The following SNRK variants were observed in gnomAD, a reference collection of about 807,000 sequenced individuals.
The protein encoded by SNRK is SNF related kinase, also known as SNF-related serine/threonine-protein kinase.
SNRK carries 3 observed loss-of-function variants against 48.2 expected under a neutral mutation model. The observed-to-expected ratio is 0.06, with a 90% CI of 0.03 to 0.16. SNRK has a LOEUF of 0.16. Ranked by LOEUF, SNRK falls within the 10% of genes least tolerant of loss-of-function variation. The probability of loss-of-function intolerance (pLI) is 1.00; values close to 1 mark genes in which losing one functional copy is unlikely to be tolerated. For synonymous variants in SNRK, 376 were observed against 366.1 expected (o/e 1.03, Z -0.31); for missense variants, 627 against 976.0 (o/e 0.64, Z 4.76).
intron 4 of SNRK, among the ~76,000 whole-genome samples, chr3:43,339,818 A>AATATATATATATATATATAT (rs71083066): frequency 7.5e-5 from 5 of 66,722 alleles, no homozygotes; most frequent in Admixed American, 1.8e-4. Context: ...CCATTTCCAA[A>AATATATATATATATATATAT]ATATATATAT....
intron 1 of SNRK, among the ~76,000 whole-genome samples, chr3:43,296,529 T>C (rs541659288): frequency 8.6e-5 from 13 of 151,772 alleles, no homozygotes; most frequent in East Asian, 7.7e-4. Flanking sequence ...ATGTTTATTA[T>C]AGATAAGCTA....
At chr3:43,321,631 A>T (rs566715498) in intron 3 of SNRK, among the ~76,000 whole-genome samples, 1 of 152,226 alleles carries the variant, frequency 6.6e-6, no homozygotes, top group Non-Finnish European at 1.5e-5. Context: ...GGGACCTCCT[A>T]AAGTCAAGTG....
intron 4 of SNRK, among the ~76,000 whole-genome samples, chr3:43,336,716 T>G (rs1159037793): frequency 6.6e-6 from 1 of 151,088 alleles, no homozygotes; most frequent in Non-Finnish European, 1.5e-5. Context: ...TTTTTCTACC[T>G]GTTTTAACAC....
intron 1 of SNRK, among the ~76,000 whole-genome samples, chr3:43,292,827 G>A (rs2090823249): frequency 6.6e-6 from 1 of 152,108 alleles, no homozygotes. Context: ...GCTCACTTGT[G>A]TAATTATTTC....
intron 1 of SNRK, among the ~76,000 whole-genome samples, chr3:43,290,095 C>T (rs1015264711): frequency 6.6e-6 from 1 of 152,158 alleles, no homozygotes; most frequent in African/African-American, 2.4e-5. Context: ...CACTGGGCCT[C>T]AATTTCTTAA....
At position 43,335,638 on chromosome 3, in the gene SNRK, T is replaced by G. The variant is rs2091181983; in HGVS notation, c.731+3328T>G. ...ATCCTGTATGAGTTTTTCTTTCTCC[T>G]ACTGGATCTATCAGTTACTGAGGTA... On this transcript the variant is annotated intron_variant, in intron 4 of 6. Transcript: ENST00000296088. Among the ~76,000 whole-genome samples the G allele has an allele frequency of 2.0e-5, 3 of 152,228 alleles. No individual in the cohort carries two copies. In the South Asian group the frequency reaches 6.2e-4, roughly 31 times the overall value.
intron 3 of SNRK, among the ~76,000 whole-genome samples, chr3:43,322,661 T>C (rs1056081726): frequency 6.6e-6 from 1 of 152,152 alleles, no homozygotes; most frequent in Non-Finnish European, 1.5e-5. Flanking sequence ...TGATAAAGAC[T>C]GTATTGGTAG....
chr3:43,312,311 C>T (rs2090984392), intron 3 of SNRK, among the ~76,000 whole-genome samples: 1 of 152,206 alleles, frequency 6.6e-6, no homozygotes, highest in Non-Finnish European at 1.5e-5. Flanking sequence ...ACACTCTCTA[C>T]AACATTTCTC....
chr3:43,299,370 GT>G (rs1428072123), intron 1 of SNRK, among the ~76,000 whole-genome samples: 1 of 152,110 alleles, frequency 6.6e-6, no homozygotes, highest in East Asian at 1.9e-4. Flanking sequence ...TAGAGACGGG[GT>G]TTCACCATAT....
intron 3 of SNRK, among the ~76,000 whole-genome samples, chr3:43,315,753 C>A (rs1312878928): frequency 6.6e-6 from 1 of 152,190 alleles, no homozygotes; most frequent in South Asian, 2.1e-4. Context: ...GCCTGGGGCC[C>A]AGGCATAGTC....
chr3:43,302,030 A>G (rs887185072), intron 2 of SNRK, among the ~76,000 whole-genome samples: 2 of 152,212 alleles, frequency 1.3e-5, no homozygotes, highest in African/African-American at 4.8e-5. Context: ...GGTTCTTAAA[A>G]ACCAAATGAT....
intron 4 of SNRK, among the ~76,000 whole-genome samples, chr3:43,337,795 A>T (rs1483138169): frequency 6.6e-6 from 1 of 152,146 alleles, no homozygotes; most frequent in Non-Finnish European, 1.5e-5. Flanking sequence ...ACACTTATAG[A>T]ACCATCACTA....
In SNRK at chr3:43,349,641, G is replaced by A. The variant is rs1009696857; in HGVS notation, c.*1084G>A. Reference sequence around the variant, plus strand: ...CATACAGCAAACAAAAATGCACAAAGCCTGCTTCGTAACTTTTTTTTCTGG... The same window carrying A: ...CATACAGCAAACAAAAATGCACAAAACCTGCTTCGTAACTTTTTTTTCTGG... On this transcript the variant is annotated 3_prime_UTR_variant, in exon 7 of 7. Transcript: ENST00000296088. 3.3e-5 allele frequency: 5 copies of A among 152,138 alleles called. No individual in the cohort carries two copies. In the East Asian group the frequency reaches 7.7e-4, roughly 23 times the overall value. The allele number at this position is 152,138 out of a possible 1,614,324, so 9.4% of individuals were successfully genotyped here.
intron 4 of SNRK, among the ~76,000 whole-genome samples, chr3:43,338,329 C>T (rs1029785533): frequency 6.6e-6 from 1 of 152,196 alleles, no homozygotes; most frequent in African/African-American, 2.4e-5. Context: ...TATTTATGCT[C>T]CTAAAAGATG....
intron 1 of SNRK, among the ~76,000 whole-genome samples, chr3:43,294,965 A>C (rs1408162404): frequency 6.6e-6 from 1 of 152,150 alleles, no homozygotes; most frequent in African/African-American, 2.4e-5. Flanking sequence ...ATTTCTATAC[A>C]CCCAGCTTTT....
intron 3 of SNRK, among the ~76,000 whole-genome samples, chr3:43,331,830 G>C (rs909151498): frequency 1.3e-5 from 2 of 152,030 alleles, no homozygotes; most frequent in African/African-American, 4.8e-5. Context: ...TTTATTTCTG[G>C]TATATATTCT....
At chr3:43,344,416 A>C (rs1046291453) in intron 6 of SNRK, among the ~76,000 whole-genome samples, 1 of 152,208 alleles carries the variant, frequency 6.6e-6, no homozygotes, top group African/African-American at 2.4e-5. Context: ...TGTACCTCCA[A>C]GTATTTATGA....
intron 3 of SNRK, among the ~76,000 whole-genome samples, chr3:43,309,029 A>G (rs1337250971): frequency 1.3e-5 from 2 of 152,214 alleles, no homozygotes; most frequent in African/African-American, 4.8e-5. Context: ...AAATAACTGC[A>G]TATGTGGTGG....
chr3:43,306,053 A>G (rs1366767506), intron 3 of SNRK, among the ~76,000 whole-genome samples: 1 of 152,172 alleles, frequency 6.6e-6, no homozygotes, highest in Non-Finnish European at 1.5e-5. Context: ...TTAAAAAGCT[A>G]TTAAAAAAGG....
Sources: allele counts gnomAD v4.1 joint callset (sites outside exome capture counted in the v4.1 genomes callset), GRCh38; gene constraint gnomAD v4.1.1; transcripts MANE v1.5; gene names NCBI Gene and HGNC (gene_info 2026-07-23, HGNC 2026-07-21).